The following NKAIN2 variants were observed in gnomAD, a reference collection of about 807,000 sequenced individuals.
NKAIN2 encodes sodium/potassium transporting ATPase interacting 2.
NKAIN2 carries 14 observed loss-of-function variants against 32.6 expected under a neutral mutation model. The ratio of observed to expected loss-of-function variants is 0.43; its 90% CI spans 0.28 to 0.67. The LOEUF (loss-of-function observed/expected upper bound fraction) is 0.67. Among genes scored for constraint, NKAIN2 ranks in the 30% least tolerant of loss-of-function variants. The pLI, the probability that NKAIN2 is intolerant of heterozygous loss-of-function variation, is 0.17. For missense variants in NKAIN2, 198 were observed against 258.3 expected (o/e 0.77, Z 1.60); for synonymous variants, 80 against 87.2 (o/e 0.92, Z 0.46).
intron 1 of NKAIN2, among the ~76,000 whole-genome samples, chr6:123,999,049 T>C (rs1343933363): frequency 1.3e-5 from 2 of 152,048 alleles, no homozygotes; most frequent in Non-Finnish European, 2.9e-5. Context: ...AAATAGTTCA[T>C]TAATTTTTAT....
At position 123,965,064 on chromosome 6, in the gene NKAIN2, T is replaced by G. The variant is rs1778010969; in HGVS notation, c.54+160810T>G. Reference sequence around the variant, plus strand: ...TACCCAGAATGTCTGTGTCTTTAGCTTCCATTTCATTCAGTGTTCAGAATG... The same window carrying G: ...TACCCAGAATGTCTGTGTCTTTAGCGTCCATTTCATTCAGTGTTCAGAATG... On this transcript the variant is annotated intron_variant, in intron 1 of 6. Transcript: ENST00000368417. Among the ~76,000 whole-genome samples, 4 of 152,148 alleles carry G rather than the reference T, an allele frequency of 2.6e-5. No individual in the cohort carries two copies. The South Asian group carries it at 8.3e-4, about 32-fold the overall frequency.
At chr6:124,554,146 A>T (rs1384313883) in intron 3 of NKAIN2, among the ~76,000 whole-genome samples, 1 of 152,218 alleles carries the variant, frequency 6.6e-6, no homozygotes, top group Non-Finnish European at 1.5e-5. Context: ...CTTTCTTCAA[A>T]ATTCAGTTGG....
At chr6:124,070,153 T>C (rs1783378121) in intron 1 of NKAIN2, among the ~76,000 whole-genome samples, 1 of 152,148 alleles carries the variant, frequency 6.6e-6, no homozygotes, top group Admixed American at 6.6e-5. Context: ...GTCACTGCTA[T>C]ATTCGCTGCT....
At chr6:124,740,447 C>CGTGT (rs56154164) in intron 4 of NKAIN2, among the ~76,000 whole-genome samples, 5,565 of 143,776 alleles carry the variant, frequency 0.039, 203 homozygotes, top group African/African-American at 0.091. Flanking sequence ...CACATATACA[C>CGTGT]GTGTGTGTGT....
chr6:124,409,215 A>C (rs1371298490), intron 3 of NKAIN2, among the ~76,000 whole-genome samples: 1 of 152,132 alleles, frequency 6.6e-6, no homozygotes, highest in Admixed American at 6.5e-5. Flanking sequence ...CCCTGGCCAG[A>C]ACTTCCAACA....
intron 3 of NKAIN2, among the ~76,000 whole-genome samples, chr6:124,475,891 C>T (rs954348419): frequency 2.0e-5 from 3 of 152,080 alleles, no homozygotes; most frequent in African/African-American, 4.8e-5. Context: ...CTTTGAAAAA[C>T]TTAAAGCGCT....
chr6:124,182,373 T>C (rs1004178090), intron 1 of NKAIN2, among the ~76,000 whole-genome samples: 1 of 152,196 alleles, frequency 6.6e-6, no homozygotes, highest in Non-Finnish European at 1.5e-5. Context: ...TACAAATATT[T>C]TTAAAAACAA....
chr6:124,486,282 A>T (rs1445697708), intron 3 of NKAIN2, among the ~76,000 whole-genome samples: 1 of 152,208 alleles, frequency 6.6e-6, no homozygotes, highest in African/African-American at 2.4e-5. Flanking sequence ...CCCATTTATT[A>T]AATATTTTGT....
intron 2 of NKAIN2, among the ~76,000 whole-genome samples, chr6:124,351,607 ATTTAT>A (rs1447881698): frequency 1.3e-5 from 2 of 151,022 alleles, no homozygotes; most frequent in Non-Finnish European, 3.0e-5. Context: ...TATTTTATTT[ATTTAT>A]TTATCTATTT....
rs528000844 is a variant in NKAIN2, at chr6:124,807,232, G to C, written c.536-11155G>C. ...CACCTATTCCAAAATTGACCACATA[G>C]TTGGAAGTAAAGCACTCCTCAGCAC... On this transcript the variant is annotated intron_variant, in intron 5 of 6. Coordinates refer to ENST00000368417, the MANE Select transcript of NKAIN2 (RefSeq NM_001040214.3). Among the ~76,000 whole-genome samples the C allele has an allele frequency of 4.6e-3, 706 of 152,192 alleles. 4 individuals carry two copies. Among genetic ancestry groups the C allele is most frequent in the African/African-American group, 0.016 (664 of 41,508 alleles).
intron 1 of NKAIN2, among the ~76,000 whole-genome samples, chr6:123,870,041 A>G (rs761414653): frequency 5.1e-4 from 78 of 152,330 alleles, no homozygotes; most frequent in Middle Eastern, 6.8e-3. Flanking sequence ...ATGGTGGTGA[A>G]GAGCTCAGAT....
intron 4 of NKAIN2, among the ~76,000 whole-genome samples, chr6:124,781,397 A>T (rs1779259059): frequency 6.6e-6 from 1 of 152,118 alleles, no homozygotes; most frequent in Admixed American, 6.6e-5. Context: ...ACATGCCCAG[A>T]ATATAGTGAA....
intron 1 of NKAIN2, among the ~76,000 whole-genome samples, chr6:123,904,233 A>G (rs1465978032): frequency 1.3e-5 from 2 of 152,148 alleles, no homozygotes; most frequent in African/African-American, 2.4e-5. Context: ...CTCTGCTTAA[A>G]AAAAAAAGAA....
At chr6:124,500,286 T>A (rs1778233802) in intron 3 of NKAIN2, among the ~76,000 whole-genome samples, 1 of 152,128 alleles carries the variant, frequency 6.6e-6, no homozygotes. Flanking sequence ...CAAATGTGTG[T>A]CCACATTGCA....
intron 4 of NKAIN2, among the ~76,000 whole-genome samples, chr6:124,760,489 T>A (rs1182107521): frequency 6.6e-6 from 1 of 151,462 alleles, no homozygotes; most frequent in African/African-American, 2.4e-5. Flanking sequence ...TAAAAATAAA[T>A]TTAAAAAAAG....
At chr6:123,922,561 A>G (rs989979315) in intron 1 of NKAIN2, among the ~76,000 whole-genome samples, 1 of 152,080 alleles carries the variant, frequency 6.6e-6, no homozygotes, top group Non-Finnish European at 1.5e-5. Context: ...ATTTCCCTGT[A>G]TATAGATTTT....
chr6:124,293,285 A>G (rs1308262646), intron 2 of NKAIN2, among the ~76,000 whole-genome samples: 3 of 152,066 alleles, frequency 2.0e-5, no homozygotes, highest in African/African-American at 7.2e-5. Flanking sequence ...TTCCATTACT[A>G]GACTATACCT....
At chr6:124,028,071 G>C (rs1367064637) in intron 1 of NKAIN2, among the ~76,000 whole-genome samples, 1 of 151,982 alleles carries the variant, frequency 6.6e-6, no homozygotes, top group Non-Finnish European at 1.5e-5. Context: ...TGGTGTTCCT[G>C]ACTTTATATC....
chr6:124,508,424 A>G (rs1251015456), intron 3 of NKAIN2, among the ~76,000 whole-genome samples: 1 of 151,120 alleles, frequency 6.6e-6, no homozygotes, highest in Non-Finnish European at 1.5e-5. Flanking sequence ...GGCTCGCTGC[A>G]AGCTCCGCCT....
Sources: gnomAD v4.1 joint callset for allele counts (sites outside exome capture counted in the v4.1 genomes callset) on GRCh38, gnomAD v4.1.1 for gene constraint, MANE v1.5 for transcripts, NCBI Gene and HGNC (gene_info 2026-07-23, HGNC 2026-07-21) for gene names.